ODF2: variants seen among roughly 807,000 people sequenced by gnomAD.
The protein encoded by ODF2 is outer dense fiber protein 2.
ODF2 carries 47 observed loss-of-function variants against 110.2 expected under a neutral mutation model. The observed-to-expected ratio is 0.43, with a 90% CI of 0.34 to 0.54. The LOEUF (loss-of-function observed/expected upper bound fraction) is 0.54, where lower values mean the gene tolerates loss of function less well. Among genes scored for constraint, ODF2 ranks in the 20% least tolerant of loss-of-function variants. The pLI is 0.03. For missense variants in ODF2, 812 were observed against 1,054.5 expected (o/e 0.77, Z 3.19); for synonymous variants, 352 against 397.7 (o/e 0.89, Z 1.37).
chr9:128,473,663 T>G (rs762191978), exon 8 of ODF2: 17 of 1,613,416 alleles, frequency 1.1e-5, no homozygotes, highest in Admixed American at 1.7e-5. Flanking sequence ...AGAAGGAACT[T>G]CTCCTGCAGA....
At chr9:128,472,214 C>G (rs928652574) in intron 6 of ODF2, among the ~76,000 whole-genome samples, 1 of 152,064 alleles carries the variant, frequency 6.6e-6, no homozygotes, top group Non-Finnish European at 1.5e-5. Flanking sequence ...TGGGAGGCAT[C>G]TCAAAATTTT....
chr9:128,491,225 A>C (rs1313274323), intron 14 of ODF2, among the ~76,000 whole-genome samples: 4 of 151,692 alleles, frequency 2.6e-5, no homozygotes, highest in African/African-American at 7.3e-5. Flanking sequence ...TTGTATTTTT[A>C]GTAGAGATGA....
At chr9:128,472,008 G>A (rs370903890) in intron 6 of ODF2, among the ~76,000 whole-genome samples, 33 of 152,302 alleles carry the variant, frequency 2.2e-4, no homozygotes, top group South Asian at 6.2e-4. Context: ...TTGGCCGGGC[G>A]TGGTGGCTCA....
At chr9:128,456,006 T>C, upstream of ODF2, 1 of 1,420,358 alleles carries the variant, frequency 7.0e-7, no homozygotes, top group Non-Finnish European at 9.2e-7. Flanking sequence ...GCGGCCCTTC[T>C]GGCGGGGCGG....
At chr9:128,455,688 G>A (rs1260994227), upstream of ODF2, among the ~76,000 whole-genome samples, 1 of 150,788 alleles carries the variant, frequency 6.6e-6, no homozygotes, top group African/African-American at 2.5e-5. Context: ...GGAGAGGCCG[G>A]GGAATGCGCA....
chr9:128,465,316 T>G (rs942399497), intron 4 of ODF2, among the ~76,000 whole-genome samples: 6 of 152,158 alleles, frequency 3.9e-5, no homozygotes, highest in Non-Finnish European at 4.4e-5. Flanking sequence ...GGTGGAAGTT[T>G]GAGGAAGATA....
intron 19 of ODF2, 31 bp downstream of exon 19, chr9:128,498,606 T>C (rs1443281759): frequency 1.5e-6 from 2 of 1,291,164 alleles, no homozygotes; most frequent in Non-Finnish European, 1.1e-6. Flanking sequence ...TGACTAGCTC[T>C]GTGACCTTGG....
chr9:128,459,687 T>C, intron 3 of ODF2, 30 bp downstream of exon 2: 1 of 1,550,438 alleles, frequency 6.4e-7, no homozygotes, highest in Non-Finnish European at 8.9e-7. Flanking sequence ...AGCAGCCCTC[T>C]TTGGTCACCT....
intron 8 of ODF2, among the ~76,000 whole-genome samples, chr9:128,474,244 C>T (rs2131821746): frequency 6.6e-6 from 1 of 152,154 alleles, no homozygotes; most frequent in African/African-American, 2.4e-5. Flanking sequence ...CCTGTAATCC[C>T]AGCACTTTGG....
At chr9:128,473,653 A>G in exon 8 of ODF2, 1 of 1,613,854 alleles carries the variant, frequency 6.2e-7, no homozygotes, top group Non-Finnish European at 8.5e-7. Context: ...CTGACAAGGC[A>G]GAAGGAACTT....
intron 7 of ODF2, chr9:128,473,359 T>G (rs1840496908): frequency 1.3e-6 from 1 of 751,936 alleles, no homozygotes; most frequent in African/African-American, 1.9e-5. Flanking sequence ...CTCCAGGAAG[T>G]CTGCCCTGAC....
upstream of ODF2, chr9:128,455,211 A>T: frequency 6.5e-7 from 1 of 1,535,530 alleles, no homozygotes; most frequent in Non-Finnish European, 8.7e-7. Flanking sequence ...CGGACCAGCA[A>T]GGACCTCATC....
intron 4 of ODF2, 169 bp downstream of exon 4, chr9:128,461,236 T>C (rs1836367766): frequency 1.2e-6 from 1 of 816,994 alleles, no homozygotes; most frequent in East Asian, 2.8e-5. Context: ...TGAGTTCTTA[T>C]GATACTGCTG....
rs146459693 is a variant in ODF2 at position 128,458,581 on chromosome 9, C to T, written c.33-986C>T. On this transcript the variant is annotated intron_variant, in intron 2 of 20. Coordinates refer to ENST00000604420, the Ensembl canonical transcript of ODF2. Reference sequence around the variant, plus strand: ...TTTGGAGCAAATAGACTTTTGCTCTCTCTCTTTTTTTTTTTTTTATTTGGC... The same window carrying T: ...TTTGGAGCAAATAGACTTTTGCTCTTTCTCTTTTTTTTTTTTTTATTTGGC... 7.1e-3 allele frequency among the ~76,000 whole-genome samples: 1,043 copies of T among 147,898 alleles called. 15 individuals are homozygous for T. The highest frequency in any genetic ancestry group is 0.011 in the Middle Eastern group (3 of 276).
intron 14 of ODF2, among the ~76,000 whole-genome samples, chr9:128,490,748 CCATT>C (rs1844383130): frequency 6.6e-6 from 1 of 152,148 alleles, no homozygotes; most frequent in South Asian, 2.1e-4. Flanking sequence ...ACTCATCCAT[CCATT>C]ATTCTGTCAC....
chr9:128,484,095 G>A, intron 11 of ODF2, 41 bp downstream of exon 11: 3 of 1,447,314 alleles, frequency 2.1e-6, no homozygotes, highest in South Asian at 1.1e-5. Flanking sequence ...GGAGGCAAGG[G>A]CCTGCCAATT....
chr9:128,458,906 G>A (rs567395399), intron 2 of ODF2, among the ~76,000 whole-genome samples: 9 of 152,128 alleles, frequency 5.9e-5, no homozygotes, highest in Non-Finnish European at 1.2e-4. Flanking sequence ...GTGCAGTGGC[G>A]TGGTTACGGC....
At chr9:128,479,677 AGT>A (rs1048720268) in intron 8 of ODF2, among the ~76,000 whole-genome samples, 7 of 152,186 alleles carry the variant, frequency 4.6e-5, no homozygotes, top group African/African-American at 1.7e-4. Flanking sequence ...CTATTGCTGC[AGT>A]GTTTGTAGTT....
At chr9:128,487,814 C>T in intron 13 of ODF2, 76 bp from the exon 14 acceptor site, 4 of 1,384,394 alleles carry the variant, frequency 2.9e-6, no homozygotes, top group Admixed American at 2.0e-5. Context: ...AACACACACA[C>T]ACACACACAC....
Sources: allele counts gnomAD v4.1 joint callset (sites outside exome capture counted in the v4.1 genomes callset), GRCh38; gene constraint gnomAD v4.1.1; transcripts MANE v1.5; gene names NCBI Gene and HGNC (gene_info 2026-07-23, HGNC 2026-07-21).